The following DGKG variants were observed in gnomAD, a reference collection of about 807,000 sequenced individuals.
DGKG encodes diacylglycerol kinase gamma.
Under a neutral mutation model 105.3 loss-of-function variants are expected in DGKG, and 78 were observed. The observed-to-expected ratio is 0.74, with a 90% CI of 0.62 to 0.89. DGKG has a LOEUF of 0.89. Among genes scored for constraint, DGKG ranks in the 40% least tolerant of loss-of-function variants. DGKG has a pLI of 0.00. For synonymous variants in DGKG, 346 were observed against 367.1 expected (o/e 0.94, Z 0.66); for missense variants, 958 against 1,020.1 (o/e 0.94, Z 0.83).
At chr3:186,189,116 A>C (rs1178640584) in intron 21 of DGKG, among the ~76,000 whole-genome samples, 4 of 152,142 alleles carry the variant, frequency 2.6e-5, no homozygotes, top group Non-Finnish European at 4.4e-5. Context: ...CCTGGCCAGA[A>C]AATTTTCATT....
intron 24 of DGKG, 35 bp from the exon 25 acceptor site, chr3:186,150,223 T>C (rs768932574): frequency 3.8e-6 from 6 of 1,590,620 alleles, no homozygotes; most frequent in South Asian, 2.3e-5. Flanking sequence ...ATTAGTGGCA[T>C]GCAAATCTCA....
At chr3:186,344,378 A>G (rs1341578349) in intron 1 of DGKG, among the ~76,000 whole-genome samples, 3 of 135,774 alleles carry the variant, frequency 2.2e-5, no homozygotes, top group Non-Finnish European at 4.6e-5. Context: ...AATGTGGTAC[A>G]TATACACCAT....
At chr3:186,347,097 T>G (rs886496929) in intron 1 of DGKG, among the ~76,000 whole-genome samples, 1 of 152,188 alleles carries the variant, frequency 6.6e-6, no homozygotes, top group Non-Finnish European at 1.5e-5. Context: ...CCCATTTTGT[T>G]TAAAACAGCA....
chr3:186,265,359 A>G (rs960233593), intron 13 of DGKG, 53 bp from the exon 14 acceptor site: 6 of 1,528,148 alleles, frequency 3.9e-6, no homozygotes, highest in Non-Finnish European at 4.5e-6. Context: ...GCCTAACACA[A>G]AGAAAGAGAT....
chr3:186,215,087 G>A (rs985338646), intron 20 of DGKG, among the ~76,000 whole-genome samples: 3 of 152,148 alleles, frequency 2.0e-5, no homozygotes, highest in Non-Finnish European at 4.4e-5. Context: ...TGTGAAGGGT[G>A]GGCACGCCAC....
chr3:186,195,852 A>G lies in DGKG; in HGVS notation c.1918-7473T>C, dbSNP rs951678259. Reference sequence around the variant, plus strand: ...GATTTAGGGTTGGCTTTTTGGCAAGATTACTTTATTAGTGGGGCTGTATAT... The same window carrying G: ...GATTTAGGGTTGGCTTTTTGGCAAGGTTACTTTATTAGTGGGGCTGTATAT... On this transcript the variant is annotated intron_variant, in intron 21 of 24. Coordinates refer to ENST00000265022, the MANE Select transcript of DGKG (RefSeq NM_001346.3). Among the ~76,000 whole-genome samples, 15 of 152,192 alleles carry G rather than the reference A, an allele frequency of 9.9e-5. 1 individual carries two copies. The highest frequency in any genetic ancestry group is 8.5e-4 in the Admixed American group (13 of 15,284).
intron 22 of DGKG, among the ~76,000 whole-genome samples, chr3:186,183,336 G>A (rs1007386000): frequency 1.3e-5 from 2 of 152,128 alleles, no homozygotes; most frequent in African/African-American, 4.8e-5. Context: ...GTATAACCTT[G>A]CTCATGGGTT....
At chr3:186,343,482 G>A (rs142271004) in intron 1 of DGKG, among the ~76,000 whole-genome samples, 2,980 of 151,998 alleles carry the variant, frequency 0.02, 96 homozygotes, top group African/African-American at 0.068. Flanking sequence ...TGGTAGAGAC[G>A]GGATTTCACC....
chr3:186,320,911 G>T (rs569669404), intron 1 of DGKG, among the ~76,000 whole-genome samples: 1 of 152,204 alleles, frequency 6.6e-6, no homozygotes, highest in African/African-American at 2.4e-5. Flanking sequence ...TGTATGAATA[G>T]GTGGGCCATA....
chr3:186,147,344 C>T lies in DGKG; in HGVS notation c.*2746G>A. ...GACTAACCATGTGGCTTTGAGAAGTCACTAAACCTCATTAAGCCTTGTTCT... is the reference window on the plus strand; with the variant it reads ...GACTAACCATGTGGCTTTGAGAAGTTACTAAACCTCATTAAGCCTTGTTCT... On this transcript the variant is annotated 3_prime_UTR_variant, in exon 25 of 25. Coordinates refer to ENST00000265022, the MANE Select transcript of DGKG (RefSeq NM_001346.3). 1 of 981,934 alleles carries T rather than the reference C, an allele frequency of 1.0e-6. No individual in the cohort carries two copies. The highest frequency in any genetic ancestry group is 1.1e-4 in the East Asian group (1 of 8,806). The allele number at this position is 981,934 out of a possible 1,614,324, so 60.8% of individuals were successfully genotyped here.
At chr3:186,336,251 C>A (rs778971603) in intron 1 of DGKG, among the ~76,000 whole-genome samples, 1 of 152,164 alleles carries the variant, frequency 6.6e-6, no homozygotes, top group African/African-American at 2.4e-5. Context: ...TGATCCCAAG[C>A]GTACTCCCTA....
At chr3:186,192,064 G>T (rs1184412709) in intron 21 of DGKG, among the ~76,000 whole-genome samples, 1 of 152,122 alleles carries the variant, frequency 6.6e-6, no homozygotes, top group Non-Finnish European at 1.5e-5. Context: ...CTGGAGTGCG[G>T]TAGTGTGATC....
intron 24 of DGKG, among the ~76,000 whole-genome samples, chr3:186,153,652 G>T (rs574623001): frequency 1.3e-5 from 2 of 152,246 alleles, no homozygotes; most frequent in South Asian, 2.1e-4. Context: ...CTTTGTTGGG[G>T]GCTGTTTTCT....
chr3:186,292,646 T>G (rs1237171874), intron 5 of DGKG, among the ~76,000 whole-genome samples: 1 of 150,020 alleles, frequency 6.7e-6, no homozygotes, highest in Non-Finnish European at 1.5e-5. Flanking sequence ...ATACAAAAAT[T>G]AGCTGGGCGT....
intron 21 of DGKG, among the ~76,000 whole-genome samples, chr3:186,191,349 C>G: frequency 6.6e-6 from 1 of 152,178 alleles, no homozygotes; most frequent in Non-Finnish European, 1.5e-5. Flanking sequence ...TCTGTGGTTT[C>G]CAAAATGTAC....
intron 1 of DGKG, among the ~76,000 whole-genome samples, chr3:186,343,912 T>C (rs1726205818): frequency 1.3e-5 from 2 of 152,210 alleles, no homozygotes; most frequent in African/African-American, 4.8e-5. Context: ...AGCAAAACAA[T>C]ACTGTTTTCC....
rs557834025 is a variant in DGKG at position 186,257,447 on chromosome 3, C to T, written c.1510+407G>A. ...TCTAGATGCACTTTCTGGACTCAGG[C>T]TCCGGGTGTTCATCTCAAGGTGATT... On this transcript the variant is annotated intron_variant, in intron 17 of 24. Coordinates refer to ENST00000265022, the MANE Select transcript of DGKG (RefSeq NM_001346.3). 1.3e-4 allele frequency among the ~76,000 whole-genome samples: 20 copies of T among 152,318 alleles called. No individual in the cohort carries two copies. The South Asian group carries it at 4.1e-3, about 32-fold the overall frequency.
chr3:186,255,040 C>A lies in DGKG; in HGVS notation c.1511-1858G>T, dbSNP rs565140587. On this transcript the variant is annotated intron_variant, in intron 17 of 24. Transcript: ENST00000265022. ...AGCTCAGAAGCTGCCTTTGGGAGACCCTCCCTAGTTGCCCCAGCCTGGACC... is the reference window on the plus strand; with the variant it reads ...AGCTCAGAAGCTGCCTTTGGGAGACACTCCCTAGTTGCCCCAGCCTGGACC... Among the ~76,000 whole-genome samples, 18 of 152,330 alleles carry A rather than the reference C, an allele frequency of 1.2e-4. No individual in the cohort carries two copies. In the South Asian group the frequency reaches 3.7e-3, roughly 32 times the overall value.
chr3:186,320,683 G>T lies in DGKG; in HGVS notation c.-224C>A. 1.9e-6 allele frequency: 1 copy of T among 539,758 alleles called. No individual in the cohort carries two copies. Among genetic ancestry groups the T allele is most frequent in the Non-Finnish European group, 3.0e-6 (1 of 338,238 alleles). The allele number at this position is 539,758 out of a possible 1,614,324, so 33.4% of individuals were successfully genotyped here. A position where few individuals can be genotyped will look rare whatever the true frequency, so the allele number is the denominator to read the frequency against. ...CAACATCCTCCTGTCTGTATTCAAG[G>T]TAAATTCAGAAGTCCTGGCTCTTCC... is the stretch of plus-strand genomic sequence containing the variant. On this transcript the variant is annotated 5_prime_UTR_variant, in exon 2 of 25. Coordinates refer to ENST00000265022, the MANE Select transcript of DGKG (RefSeq NM_001346.3).
Sources: allele counts gnomAD v4.1 joint callset (sites outside exome capture counted in the v4.1 genomes callset), GRCh38; gene constraint gnomAD v4.1.1; transcripts MANE v1.5; gene names NCBI Gene and HGNC (gene_info 2026-07-23, HGNC 2026-07-21).